CCDC171: variants seen among roughly 807,000 people sequenced by gnomAD.
The protein encoded by CCDC171 is coiled-coil domain-containing protein 171.
Under a neutral mutation model 168.2 loss-of-function variants are expected in CCDC171, and 177 were observed. The ratio of observed to expected loss-of-function variants is 1.05; its 90% CI spans 0.93 to 1.19. The LOEUF (loss-of-function observed/expected upper bound fraction) is 1.19, where lower values mean the gene tolerates loss of function less well. CCDC171 is among the 50% of genes most tolerant of loss of function. CCDC171 has a pLI of 0.00. For synonymous variants in CCDC171, 687 were observed against 540.8 expected, an observed-to-expected ratio of 1.27 and a Z score of -3.75; for missense variants, 1,991 against 1,539.0, an observed-to-expected ratio of 1.29 and a Z score of -4.91.
chr9:16,103,719 C>T, the CCDC171 span, among the ~76,000 whole-genome samples: 4 of 152,212 alleles, frequency 2.6e-5, no homozygotes, highest in East Asian at 3.9e-4. Context: ...CAAACAGATC[C>T]GAGGTCTCTG....
At chr9:15,824,906 G>A (rs2059949872) in intron 21 of CCDC171, among the ~76,000 whole-genome samples, 1 of 152,062 alleles carries the variant, frequency 6.6e-6, no homozygotes, top group African/African-American at 2.4e-5. Context: ...TGTCAGGCCA[G>A]TTTGCTGTTA....
At position 15,571,869 on chromosome 9, in the gene CCDC171, C is replaced by T. The variant is rs115113917; in HGVS notation, c.177+110C>T. The T allele has an allele frequency of 4.1e-3, 3,801 of 925,680 alleles. 99 individuals are homozygous for T. The African/African-American group carries it at 0.059, about 14-fold the overall frequency. The allele number at this position is 925,680 out of a possible 1,614,324, so 57.3% of individuals were successfully genotyped here. ...CCTTTATAACTATACCATTCTTGGG[C>T]TTAAAAAGGAAATTGTAATAAAGGA... On this transcript the variant is annotated intron_variant, in intron 3 of 25. Coordinates refer to ENST00000380701, the MANE Select transcript of CCDC171 (RefSeq NM_173550.4).
intron 21 of CCDC171, among the ~76,000 whole-genome samples, chr9:15,826,325 C>CT (rs1387377291): frequency 8.5e-6 from 1 of 117,656 alleles, no homozygotes; most frequent in Non-Finnish European, 1.9e-5. Context: ...TTTTGTTGAT[C>CT]CTTTTTTTTT....
chr9:15,968,090 T>G (rs1321928870), intron 25 of CCDC171, among the ~76,000 whole-genome samples: 1 of 152,218 alleles, frequency 6.6e-6, no homozygotes, highest in African/African-American at 2.4e-5. Context: ...AGTAGACACA[T>G]TTTGTATTGT....
intron 21 of CCDC171, among the ~76,000 whole-genome samples, chr9:15,810,105 A>C (rs2135940702): frequency 6.6e-6 from 1 of 152,232 alleles, no homozygotes. Flanking sequence ...TGATTGGTGC[A>C]TTTACAATCC....
chr9:15,924,623 T>C (rs1270061982), intron 25 of CCDC171, among the ~76,000 whole-genome samples: 2 of 151,722 alleles, frequency 1.3e-5, no homozygotes, highest in East Asian at 3.9e-4. Flanking sequence ...ACCATTAGCA[T>C]ATTCCAGTGA....
chr9:15,769,825 C>T lies in CCDC171; in HGVS notation c.2672-7775C>T, dbSNP rs149743206. On this transcript the variant is annotated intron_variant, in intron 18 of 25. Transcript: ENST00000380701. Reference sequence around the variant, plus strand: ...CAGTATTCTCTAAATACGAAATTCTCTGTTATTTTCTTTGAAATAGCAGCC... The same window carrying T: ...CAGTATTCTCTAAATACGAAATTCTTTGTTATTTTCTTTGAAATAGCAGCC... Among the ~76,000 whole-genome samples the T allele has an allele frequency of 1.8e-3, 277 of 152,294 alleles. 1 individual carries two copies. Among genetic ancestry groups the T allele is most frequent in the Middle Eastern group, 0.014 (4 of 294 alleles).
At chr9:15,640,334 C>T (rs539839128) in intron 7 of CCDC171, among the ~76,000 whole-genome samples, 2 of 152,060 alleles carry the variant, frequency 1.3e-5, no homozygotes, top group Admixed American at 6.6e-5. Context: ...TTAATTTTGT[C>T]TCTGAGTTGT....
intron 21 of CCDC171, among the ~76,000 whole-genome samples, chr9:15,839,510 G>C (rs1033736106): frequency 6.6e-6 from 1 of 152,026 alleles, no homozygotes; most frequent in African/African-American, 2.4e-5. Flanking sequence ...CTGATTCTTA[G>C]TTTTCTCGTG....
At chr9:15,623,475 GCACACACACACACACA>G in intron 7 of CCDC171, 62 bp downstream of exon 7, 6 of 311,464 alleles carry the variant, frequency 1.9e-5, no homozygotes, top group South Asian at 1.1e-4. Context: ...GCGCGCGCGC[GCACACACACACACACA>G]CACACACACA....
At chr9:16,007,024 T>C (rs1353507428) in intron 3 of CCDC171, among the ~76,000 whole-genome samples, 1 of 152,228 alleles carries the variant, frequency 6.6e-6, no homozygotes, top group Non-Finnish European at 1.5e-5. Context: ...TCCACAATGG[T>C]TGAACTAGTT....
At chr9:16,058,342 C>G (rs1833876061) in intron 1 of CCDC171, among the ~76,000 whole-genome samples, 1 of 152,178 alleles carries the variant, frequency 6.6e-6, no homozygotes, top group Non-Finnish European at 1.5e-5. Context: ...AGAACACTCC[C>G]CTGCCTCTTT....
chr9:15,996,939 A>G (rs1243227618), intron 3 of CCDC171, among the ~76,000 whole-genome samples: 2 of 152,180 alleles, frequency 1.3e-5, no homozygotes, highest in Non-Finnish European at 2.9e-5. Flanking sequence ...TTTGTCCTGT[A>G]TTGGTAGGTA....
At chr9:15,830,465 C>G (rs528574895) in intron 21 of CCDC171, among the ~76,000 whole-genome samples, 28 of 152,234 alleles carry the variant, frequency 1.8e-4, no homozygotes, top group African/African-American at 6.3e-4. Context: ...AGACTTTCCC[C>G]TAAACAAACA....
chr9:16,024,248 T>C (rs1049624601), intron 6 of CCDC171, among the ~76,000 whole-genome samples: 2 of 152,182 alleles, frequency 1.3e-5, no homozygotes, highest in African/African-American at 4.8e-5. Flanking sequence ...AAATTTACCA[T>C]AGTAAACTTA....
At chr9:16,051,596 T>C (rs969791690) in intron 1 of CCDC171, among the ~76,000 whole-genome samples, 24 of 152,182 alleles carry the variant, frequency 1.6e-4, no homozygotes, top group African/African-American at 5.8e-4. Context: ...GTCCACACCA[T>C]TGAAAAACAA....
intron 18 of CCDC171, among the ~76,000 whole-genome samples, chr9:15,763,551 A>G (rs142063115): frequency 6.6e-6 from 1 of 152,320 alleles, no homozygotes; most frequent in East Asian, 1.9e-4. Context: ...CACCACGAAT[A>G]CAAAAAACAC....
intron 25 of CCDC171, among the ~76,000 whole-genome samples, chr9:15,934,730 A>G (rs1826917553): frequency 6.6e-6 from 1 of 152,106 alleles, no homozygotes; most frequent in Non-Finnish European, 1.5e-5. Flanking sequence ...CACTATTTAC[A>G]AAGCCAAAAG....
At chr9:15,942,505 T>C (rs1349242730) in intron 25 of CCDC171, among the ~76,000 whole-genome samples, 4 of 151,920 alleles carry the variant, frequency 2.6e-5, no homozygotes, top group Non-Finnish European at 5.9e-5. Flanking sequence ...TTTGAATTGT[T>C]CACCTGAGAT....
Sources: gnomAD v4.1 joint callset for allele counts (sites outside exome capture counted in the v4.1 genomes callset) on GRCh38, gnomAD v4.1.1 for gene constraint, MANE v1.5 for transcripts, NCBI Gene and HGNC (gene_info 2026-07-23, HGNC 2026-07-21) for gene names.